Variants in KIAA1549 observed in about 807,000 individuals in gnomAD.
The protein encoded by KIAA1549 is KIAA1549, also known as UPF0606 protein KIAA1549.
KIAA1549 carries 70 observed loss-of-function variants against 156.4 expected under a neutral mutation model. The observed-to-expected ratio is 0.45, with a 90% CI of 0.37 to 0.55. The LOEUF (loss-of-function observed/expected upper bound fraction) is 0.55. Among genes scored for constraint, KIAA1549 ranks in the 20% least tolerant of loss-of-function variants. The probability of loss-of-function intolerance (pLI) is 0.00; values close to 1 mark genes in which losing one functional copy is unlikely to be tolerated. For synonymous variants in KIAA1549, 1,103 were observed against 1,066.4 expected, an observed-to-expected ratio of 1.03 and a Z score of -0.67; for missense variants, 2,428 against 2,540.9, an observed-to-expected ratio of 0.96 and a Z score of 0.96.
At chr7:138,905,866 T>A (rs1183436422) in intron 6 of KIAA1549, among the ~76,000 whole-genome samples, 1 of 152,262 alleles carries the variant, frequency 6.6e-6, no homozygotes, top group Non-Finnish European at 1.5e-5. Flanking sequence ...TATACAGTTT[T>A]ATGGGTTTTG....
At chr7:138,957,941 G>A (rs1029986101) in intron 1 of KIAA1549, among the ~76,000 whole-genome samples, 1 of 152,140 alleles carries the variant, frequency 6.6e-6, no homozygotes, top group Non-Finnish European at 1.5e-5. Flanking sequence ...ATACTCATGA[G>A]TCAGTGTGTC....
intron 17 of KIAA1549, among the ~76,000 whole-genome samples, chr7:138,844,868 G>A (rs1051272993): frequency 3.3e-5 from 5 of 151,322 alleles, no homozygotes; most frequent in Non-Finnish European, 7.4e-5. Flanking sequence ...GACCAACACA[G>A]CGGTAATTTT....
intron 1 of KIAA1549, among the ~76,000 whole-genome samples, chr7:138,972,484 C>A (rs1378619057): frequency 1.3e-5 from 2 of 151,752 alleles, no homozygotes; most frequent in Non-Finnish European, 2.9e-5. Context: ...CCACCTCTTG[C>A]CAGCTCCTTC....
In KIAA1549 at chr7:138,859,540, G is replaced by A. The variant is rs1401767030; in HGVS notation, c.5247+1599C>T. Among the ~76,000 whole-genome samples the A allele has an allele frequency of 2.0e-5, 3 of 152,052 alleles. No homozygotes were observed. The East Asian group carries it at 5.8e-4, about 29-fold the overall frequency. On this transcript the variant is annotated intron_variant, in intron 16 of 19. Coordinates refer to ENST00000422774, the MANE Select transcript of KIAA1549 (RefSeq NM_001164665.2). ...AGCATCCTGCTCAGGGTATCTCTCT[G>A]CTCTCCTGCACGCTCCCTCATGAAC...
intron 9 of KIAA1549, among the ~76,000 whole-genome samples, chr7:138,895,066 C>CA (rs1438575949): frequency 2.0e-5 from 3 of 152,200 alleles, no homozygotes; most frequent in African/African-American, 4.8e-5. Flanking sequence ...CTCACTACTC[C>CA]AAGTTTCTCA....
At chr7:138,980,758 C>T (rs1212676285) in intron 1 of KIAA1549, among the ~76,000 whole-genome samples, 1 of 152,200 alleles carries the variant, frequency 6.6e-6, no homozygotes, top group Non-Finnish European at 1.5e-5. Flanking sequence ...AAAAGCACGC[C>T]GGTGCCTGCA....
intron 10 of KIAA1549, among the ~76,000 whole-genome samples, chr7:138,884,929 C>G (rs1463172127): frequency 6.6e-6 from 1 of 152,266 alleles, no homozygotes; most frequent in Non-Finnish European, 1.5e-5. Flanking sequence ...GGCACAGTGG[C>G]TTACGCCTGT....
intron 1 of KIAA1549, among the ~76,000 whole-genome samples, chr7:138,920,155 C>T (rs77889190): frequency 0.026 from 3,084 of 120,070 alleles, 32 homozygotes; most frequent in South Asian, 0.058. Flanking sequence ...TTCTCACCCC[C>T]GCCTGGAATG....
intron 10 of KIAA1549, among the ~76,000 whole-genome samples, chr7:138,890,173 A>T (rs1811507633): frequency 6.6e-6 from 1 of 152,108 alleles, no homozygotes; most frequent in Non-Finnish European, 1.5e-5. Context: ...AGCCCAGGAG[A>T]CTGACTGGTG....
At chr7:138,869,992 G>A (rs1169774501) in intron 13 of KIAA1549, among the ~76,000 whole-genome samples, 1 of 152,100 alleles carries the variant, frequency 6.6e-6, no homozygotes, top group Non-Finnish European at 1.5e-5. Context: ...TGGGATTACA[G>A]ACACGCACCA....
chr7:138,908,084 C>CCACA lies in KIAA1549; in HGVS notation c.3276+903_3276+906dup. Among the ~76,000 whole-genome samples the CCACA allele has an allele frequency of 2.0e-5, 3 of 152,040 alleles. No individual in the cohort carries two copies. The East Asian group carries it at 5.8e-4, about 29-fold the overall frequency. On this transcript the variant is annotated intron_variant, in intron 5 of 19. Transcript: ENST00000422774. ...ATGGAGCTGACGTAGAAAGAGATCC[C>CCACA]CACAGCTCAAGGGGAAAGCTGTGCC...
chr7:138,895,683 A>C (rs1167678541), intron 9 of KIAA1549, among the ~76,000 whole-genome samples: 4 of 152,128 alleles, frequency 2.6e-5, no homozygotes, highest in Admixed American at 2.0e-4. Flanking sequence ...TATACATTTA[A>C]AAGTGTTAAA....
chr7:138,842,300 A>G (rs1809944036), intron 18 of KIAA1549, among the ~76,000 whole-genome samples: 3 of 152,226 alleles, frequency 2.0e-5, no homozygotes, highest in Admixed American at 2.0e-4. Flanking sequence ...CGGGGTTTGC[A>G]TTCCAGCTCA....
In KIAA1549 at chr7:138,833,897, C is replaced by T. The variant is rs1428667444; in HGVS notation, c.*4009G>A. 1 of 232,474 alleles carries T rather than the reference C, an allele frequency of 4.3e-6. No homozygotes were observed. Among genetic ancestry groups the T allele is most frequent in the Non-Finnish European group, 8.5e-6 (1 of 117,732 alleles). The allele number at this position is 232,474 out of a possible 1,614,324, so 14.4% of individuals were successfully genotyped here. On this transcript the variant is annotated 3_prime_UTR_variant, in exon 20 of 20. Transcript: ENST00000422774. ...AAAAGCATCCTTCCAGCACCTCTTC[C>T]TTCTCTTCTGAAACTCCCTCAATAG...
intron 1 of KIAA1549, among the ~76,000 whole-genome samples, chr7:138,932,638 T>G (rs1268548889): frequency 6.6e-6 from 1 of 152,200 alleles, no homozygotes; most frequent in South Asian, 2.1e-4. Flanking sequence ...AAATCAGTTA[T>G]GAGGTCACTA....
Position 138,869,721 on chromosome 7 carries a change from T to C in KIAA1549, c.4592A>G (p.His1531Arg), listed in dbSNP as rs777591312. The C allele has an allele frequency of 3.7e-6, 6 of 1,611,764 alleles. No individual in the cohort carries two copies. The highest frequency in any genetic ancestry group is 2.7e-5 in the African/African-American group (2 of 74,866). The change falls in exon 14 of 20, where the codon CAT (histidine) becomes CGT (arginine). Residue 1531 changes from histidine to arginine, a missense_variant. This residue lies in a region of KIAA1549 where 404 missense variants were observed against 417.0 expected (regional missense o/e 0.97). Coordinates refer to ENST00000422774, the MANE Select transcript of KIAA1549 (RefSeq NM_001164665.2). ...GGCGCGCAGGCGGATCTTGTTGCGA[T>C]GGTGCTCGATCTCAGACTTGTGCCG... The part of the protein sequence containing the change: ...ALRHKSEIEH[H>R]RNKIRLRAKR...
At chr7:138,975,277 T>G (rs2130578257) in intron 1 of KIAA1549, among the ~76,000 whole-genome samples, 1 of 152,160 alleles carries the variant, frequency 6.6e-6, no homozygotes, top group Non-Finnish European at 1.5e-5. Flanking sequence ...AAAGTATGGG[T>G]CTTGAGTGTG....
rs187636359 is a variant in KIAA1549 at position 138,869,924 on chromosome 7, G to A, written c.4552-163C>T. The stretch of plus-strand genomic sequence containing the variant: ...GAGTGCAATGGCATGATCTCAGCTC[G>A]CTGCAACCTCCACTTCCCGGGTTCA... On this transcript the variant is annotated intron_variant, in intron 13 of 19. Transcript: ENST00000422774. Among the ~76,000 whole-genome samples the A allele has an allele frequency of 2.4e-4, 37 of 152,122 alleles. No homozygotes were observed. In the East Asian group the frequency reaches 6.0e-3, roughly 25 times the overall value.
At chr7:138,865,072 A>G (rs957080414) in intron 15 of KIAA1549, among the ~76,000 whole-genome samples, 11 of 152,158 alleles carry the variant, frequency 7.2e-5, no homozygotes, top group Non-Finnish European at 1.5e-4. Flanking sequence ...TACTAAAAAT[A>G]CAAAAATTAG....
Sources: gnomAD v4.1 joint callset for allele counts (sites outside exome capture counted in the v4.1 genomes callset) on GRCh38, gnomAD v4.1.1 for gene constraint, gnomAD v4.1.1 regional missense constraint, MANE v1.5 for transcripts, NCBI Gene and HGNC (gene_info 2026-07-23, HGNC 2026-07-21) for gene names.